SETD5: variants seen among roughly 807,000 people sequenced by gnomAD.
SETD5 encodes the protein SET domain containing 5, also known as histone-lysine N-methyltransferase SETD5.
Under a neutral mutation model 153.3 loss-of-function variants are expected in SETD5, and 44 were observed. That is an observed-to-expected ratio of 0.29 (90% confidence interval 0.23 to 0.37). SETD5 has a LOEUF of 0.37. Among genes scored for constraint, SETD5 ranks in the 10% least tolerant of loss-of-function variants. The pLI is 1.00. For missense variants in SETD5, 1,544 were observed against 1,768.0 expected (o/e 0.87, Z 2.27); for synonymous variants, 716 against 645.2 (o/e 1.11, Z -1.66).
chr3:9,454,644 A>AC (rs2043013031), intron 17 of SETD5, among the ~76,000 whole-genome samples: 1 of 148,668 alleles, frequency 6.7e-6, no homozygotes, highest in African/African-American at 2.4e-5. Flanking sequence ...AAAAAAAAAA[A>AC]AAAAAACAAA....
chr3:9,450,814 C>A (rs573574708), intron 16 of SETD5, among the ~76,000 whole-genome samples: 2 of 152,228 alleles, frequency 1.3e-5, no homozygotes, highest in South Asian at 4.2e-4. Flanking sequence ...TAAAAACTTA[C>A]CAGTATAGGA....
At chr3:9,455,168 CTTTTTTTTTTTTTT>C (rs903600741) in intron 17 of SETD5, among the ~76,000 whole-genome samples, 1 of 99,916 alleles carries the variant, frequency 1.0e-5, no homozygotes, top group South Asian at 3.4e-4. Context: ...TTCTTTTTTT[CTTTTTTTTTTTTTT>C]TTTTTTTTGA....
At chr3:9,413,650 GTGTGTGT>G (rs994167625) in intron 1 of SETD5, among the ~76,000 whole-genome samples, 2 of 11,170 alleles carry the variant, frequency 1.8e-4, no homozygotes, top group Non-Finnish European at 3.3e-4. Context: ...GGGAGGCGGG[GTGTGTGT>G]GTGTGTGTGT....
At chr3:9,406,959 G>A (rs944964561) in intron 1 of SETD5, among the ~76,000 whole-genome samples, 14 of 152,208 alleles carry the variant, frequency 9.2e-5, no homozygotes, top group Admixed American at 5.2e-4. Context: ...TATTATGTAA[G>A]TGTACTAAAG....
intron 18 of SETD5, among the ~76,000 whole-genome samples, chr3:9,466,766 T>C (rs180776650): frequency 2.0e-5 from 3 of 152,306 alleles, no homozygotes; most frequent in East Asian, 3.9e-4. Context: ...GGCTCACACC[T>C]GTAATCACAG....
At chr3:9,409,105 G>T (rs1016377995) in intron 1 of SETD5, among the ~76,000 whole-genome samples, 7 of 152,048 alleles carry the variant, frequency 4.6e-5, no homozygotes, top group Non-Finnish European at 1.0e-4. Flanking sequence ...TAATTGGTTG[G>T]AAAATGGAAG....
At chr3:9,444,901 T>C in intron 11 of SETD5, 147 bp from the exon 12 acceptor site, 1 of 1,089,018 alleles carries the variant, frequency 9.2e-7, no homozygotes, top group South Asian at 1.6e-5. Flanking sequence ...CAAAAGTATT[T>C]ATAGGACTCT....
Position 9,433,971 on chromosome 3 carries a change from C to T in SETD5, c.177+21C>T, listed in dbSNP as rs745830983. Reference sequence around the variant, plus strand: ...ATGCTGTGAGTATGCATTTGTTTCTCTCCAGAACAGTGATCTTCCTGGAGT... The same window carrying T: ...ATGCTGTGAGTATGCATTTGTTTCTTTCCAGAACAGTGATCTTCCTGGAGT... On this transcript the variant is annotated intron_variant, in intron 4 of 22. Coordinates refer to ENST00000402198, the MANE Select transcript of SETD5 (RefSeq NM_001080517.3). 6.8e-6 allele frequency: 11 copies of T among 1,613,236 alleles called. No homozygotes were observed. In the South Asian group the frequency reaches 8.8e-5, roughly 13 times the overall value.
At chr3:9,468,153 G>A (rs2044838133) in intron 18 of SETD5, among the ~76,000 whole-genome samples, 1 of 151,528 alleles carries the variant, frequency 6.6e-6, no homozygotes, top group Non-Finnish European at 1.5e-5. Context: ...AAGGGGTAGG[G>A]TGCCCCTCAA....
At chr3:9,463,377 A>G (rs982404323) in intron 17 of SETD5, among the ~76,000 whole-genome samples, 7 of 152,262 alleles carry the variant, frequency 4.6e-5, no homozygotes, top group African/African-American at 1.4e-4. Context: ...TATGATGACC[A>G]TTTTTCCCTT....
chr3:9,429,689 T>G, intron 3 of SETD5: 1 of 351,464 alleles, frequency 2.8e-6, no homozygotes. Context: ...TTATACAACT[T>G]TATATATATT....
At chr3:9,448,364 C>T in intron 15 of SETD5, 24 bp from the exon 16 acceptor site, 1 of 1,610,928 alleles carries the variant, frequency 6.2e-7, no homozygotes, top group African/African-American at 1.3e-5. Flanking sequence ...GATTTATAAA[C>T]TAATGATCTC....
chr3:9,453,186 G>C (rs1031449131), intron 16 of SETD5, among the ~76,000 whole-genome samples: 1 of 152,082 alleles, frequency 6.6e-6, no homozygotes, highest in South Asian at 2.1e-4. Context: ...TTGTTGGAGG[G>C]GGGAGTCCCA....
intron 12 of SETD5, 150 bp from the exon 13 acceptor site, chr3:9,445,507 A>C (rs1438817472): frequency 7.0e-6 from 6 of 854,048 alleles, no homozygotes; most frequent in South Asian, 1.8e-5. Flanking sequence ...AATAGGGGTT[A>C]GTTATCATCT....
intron 17 of SETD5, among the ~76,000 whole-genome samples, chr3:9,455,168 C>CTTTTTTTTTTTTTTTTTTTTTTTT (rs903600741): frequency 2.0e-5 from 2 of 99,918 alleles, no homozygotes; most frequent in Non-Finnish European, 3.9e-5. Flanking sequence ...TTCTTTTTTT[C>CTTTTTTTTTTTTTTTTTTTTTTTT]TTTTTTTTTT....
At chr3:9,402,390 C>G (rs1400770124) in intron 1 of SETD5, among the ~76,000 whole-genome samples, 1 of 152,056 alleles carries the variant, frequency 6.6e-6, no homozygotes, top group Admixed American at 6.6e-5. Flanking sequence ...GTGCCTCATT[C>G]GTTTATACCA....
Position 9,473,244 on chromosome 3 carries a change from G to A in SETD5, c.3204G>A (p.Leu1068=). 1 of 1,612,596 alleles carries A rather than the reference G, an allele frequency of 6.2e-7. No homozygotes were observed. Among genetic ancestry groups the A allele is most frequent in the Non-Finnish European group, 8.5e-7 (1 of 1,178,670 alleles). Residue 1068 remains leucine (L), a synonymous_variant, in exon 20 of 23, where the codon CTG becomes CTA. Transcript: ENST00000402198. ...QNPPQRKKVS[L]LEYRKRKQEA... ...TGTTTTTTCCTTTCTAGGTATCCCT[G>A]CTGGAGTACCGAAAACGGAAACAAG...
chr3:9,410,800 C>CTTT (rs2036446835), intron 1 of SETD5, among the ~76,000 whole-genome samples: 1 of 150,892 alleles, frequency 6.6e-6, no homozygotes, highest in African/African-American at 2.4e-5. Flanking sequence ...AATTTCTGTT[C>CTTT]TTTCTTTTTT....
At chr3:9,425,105 A>T (rs971565960) in intron 2 of SETD5, among the ~76,000 whole-genome samples, 1 of 106,522 alleles carries the variant, frequency 9.4e-6, no homozygotes, top group Non-Finnish European at 1.8e-5. Context: ...CTTGTTGTCC[A>T]TGTTGAAGTG....
Sources: gnomAD v4.1 joint callset for allele counts (sites outside exome capture counted in the v4.1 genomes callset) on GRCh38, gnomAD v4.1.1 for gene constraint, MANE v1.5 for transcripts, NCBI Gene and HGNC (gene_info 2026-07-23, HGNC 2026-07-21) for gene names.